Variants in HLF observed in about 807,000 individuals in gnomAD.
HLF encodes the protein hepatic leukemia factor.
In HLF, 3 loss-of-function variants were observed where a neutral mutation model predicts 22.6. The observed-to-expected ratio is 0.13, with a 90% CI of 0.06 to 0.34. The LOEUF (loss-of-function observed/expected upper bound fraction) is 0.34. HLF is among the 10% of genes least tolerant of loss of function. HLF has a pLI of 1.00. For missense variants in HLF, 299 were observed against 389.2 expected, an observed-to-expected ratio of 0.77 and a Z score of 1.95; for synonymous variants, 151 against 151.8, an observed-to-expected ratio of 0.99 and a Z score of 0.04.
At chr17:55,318,639 C>T (rs1438065476) in intron 3 of HLF, among the ~76,000 whole-genome samples, 1 of 152,152 alleles carries the variant, frequency 6.6e-6, no homozygotes, top group East Asian at 1.9e-4. Context: ...TTATGTACCC[C>T]TTCGCCTCCT....
At chr17:55,304,179 T>C (rs1904433832) in intron 2 of HLF, among the ~76,000 whole-genome samples, 1 of 152,142 alleles carries the variant, frequency 6.6e-6, no homozygotes, top group African/African-American at 2.4e-5. Flanking sequence ...CCCTATGATA[T>C]TTCCTTGCCC....
Position 55,323,609 on chromosome 17 carries a change from G to C in HLF, c.*2730G>C, listed in dbSNP as rs767725390. 14 of 227,282 alleles carry C rather than the reference G, an allele frequency of 6.2e-5. No homozygotes were observed. The highest frequency in any genetic ancestry group is 1.1e-4 in the Non-Finnish European group (12 of 114,178). 14.1% of individuals were successfully genotyped at this position (227,282 alleles called of 1,614,324 possible). ...ATTTAAACACTTTGGAGTCTGTACA[G>C]GTGCCTTATATGTAGGTCATTGTCA... On this transcript the variant is annotated 3_prime_UTR_variant, in exon 4 of 4. Transcript: ENST00000226067.
intron 1 of HLF, 92 bp from the exon 2 acceptor site, chr17:55,267,659 G>C: frequency 1.1e-6 from 1 of 875,724 alleles, no homozygotes; most frequent in Non-Finnish European, 1.7e-6. Context: ...GTGAGAAATA[G>C]TCTTATAACA....
At chr17:55,288,957 A>G (rs1030912494) in intron 2 of HLF, 74 of 984,954 alleles carry the variant, frequency 7.5e-5, no homozygotes, top group Non-Finnish European at 8.8e-5. Flanking sequence ...CTCATCCCAC[A>G]GGTTCTTAAT....
chr17:55,289,248 G>A (rs114660703), intron 2 of HLF, among the ~76,000 whole-genome samples: 2,823 of 152,282 alleles, frequency 0.019, 86 homozygotes, highest in African/African-American at 0.064. Flanking sequence ...GCCATGAGCA[G>A]TTGACCCCAC....
chr17:55,297,923 T>C (rs2081124266), intron 2 of HLF, among the ~76,000 whole-genome samples: 1 of 151,902 alleles, frequency 6.6e-6, no homozygotes, highest in African/African-American at 2.4e-5. Context: ...CTAATCTTTG[T>C]ATTTTTAGTA....
chr17:55,315,093 A>C lies in HLF; in HGVS notation c.452-134A>C, dbSNP rs150298750. On this transcript the variant is annotated intron_variant, in intron 2 of 3. Transcript: ENST00000226067. Reference sequence around the variant, plus strand: ...TGTTCTCAGAAATGCAGTGCGGATGAGTAAGATAAATCATGTTAGCATCAT... The same window carrying C: ...TGTTCTCAGAAATGCAGTGCGGATGCGTAAGATAAATCATGTTAGCATCAT... The C allele has an allele frequency of 4.5e-4, 308 of 681,470 alleles. 5 individuals carry two copies. In the East Asian group the frequency reaches 8.1e-3, roughly 18 times the overall value. The allele number at this position is 681,470 out of a possible 1,614,324, so 42.2% of individuals were successfully genotyped here.
intron 2 of HLF, 109 bp from the exon 3 acceptor site, chr17:55,315,116 CAT>C: frequency 1.3e-6 from 1 of 749,550 alleles, no homozygotes; most frequent in Non-Finnish European, 2.3e-6. Flanking sequence ...ATGTTAGCAT[CAT>C]ATATAAGTGA....
chr17:55,267,027 T>A (rs2080798520), intron 1 of HLF, among the ~76,000 whole-genome samples: 1 of 152,236 alleles, frequency 6.6e-6, no homozygotes, highest in Admixed American at 6.5e-5. Context: ...ACTCCTTTTG[T>A]AAAAATCAGT....
At position 55,297,491 on chromosome 17, in the gene HLF, T is replaced by C. The variant is rs981849823; in HGVS notation, c.452-17736T>C. On this transcript the variant is annotated intron_variant, in intron 2 of 3. Transcript: ENST00000226067. ...ATTGAAAGAAAATGGACATCTCTTCTTCAGAAAACCTGTTCTAAGAATTAT... is the reference window on the plus strand; with the variant it reads ...ATTGAAAGAAAATGGACATCTCTTCCTCAGAAAACCTGTTCTAAGAATTAT... Among the ~76,000 whole-genome samples the C allele has an allele frequency of 2.6e-5, 4 of 152,120 alleles. No homozygotes were observed. In the South Asian group the frequency reaches 8.3e-4, roughly 31 times the overall value.
intron 2 of HLF, among the ~76,000 whole-genome samples, chr17:55,302,530 G>A (rs1411129626): frequency 6.6e-6 from 1 of 152,142 alleles, no homozygotes; most frequent in African/African-American, 2.4e-5. Context: ...AGGGAAGGGT[G>A]TCACCGGGGG....
Position 55,271,186 on chromosome 17 carries a change from C to T in HLF, c.451+3100C>T, listed in dbSNP as rs533678729. Among the ~76,000 whole-genome samples the T allele has an allele frequency of 1.5e-4, 23 of 152,314 alleles. No homozygotes were observed. In the South Asian group the frequency reaches 4.1e-3, roughly 27 times the overall value. ...CCTGTCACACGCATGGATAAACTAC[C>T]TGCAATGCTTTATGGCAAAACTTTT... On this transcript the variant is annotated intron_variant, in intron 2 of 3. Coordinates refer to ENST00000226067, the MANE Select transcript of HLF (RefSeq NM_002126.5).
intron 1 of HLF, among the ~76,000 whole-genome samples, chr17:55,267,155 A>G (rs984608413): frequency 1.3e-5 from 2 of 152,198 alleles, no homozygotes; most frequent in African/African-American, 2.4e-5. Flanking sequence ...TTTGTTGTAA[A>G]TGGAGGTAAT....
At chr17:55,317,125 G>A (rs576962378) in intron 3 of HLF, among the ~76,000 whole-genome samples, 41 of 151,986 alleles carry the variant, frequency 2.7e-4, no homozygotes, top group Non-Finnish European at 5.3e-4. Flanking sequence ...ACGCCACCAC[G>A]CCCGGCTAAT....
intron 2 of HLF, among the ~76,000 whole-genome samples, chr17:55,302,361 G>T (rs919918921): frequency 1.4e-4 from 22 of 152,240 alleles, no homozygotes; most frequent in Non-Finnish European, 2.9e-4. Flanking sequence ...GCTTAACTTA[G>T]AGACTCATGC....
chr17:55,306,425 A>T lies in HLF; in HGVS notation c.452-8802A>T, dbSNP rs182601242. Among the ~76,000 whole-genome samples the T allele has an allele frequency of 4.6e-3, 695 of 152,278 alleles. 6 individuals carry two copies. Among genetic ancestry groups the T allele is most frequent in the African/African-American group, 0.016 (676 of 41,546 alleles). Reference sequence around the variant, plus strand: ...TACTGTGTGGAGAGAATTGCTGGATAAGAGCCACTGAGATCAAAGGGATCT... The same window carrying T: ...TACTGTGTGGAGAGAATTGCTGGATTAGAGCCACTGAGATCAAAGGGATCT... On this transcript the variant is annotated intron_variant, in intron 2 of 3. Transcript: ENST00000226067.
chr17:55,300,909 C>T (rs1384327931), intron 2 of HLF, among the ~76,000 whole-genome samples: 1 of 152,238 alleles, frequency 6.6e-6, no homozygotes, highest in Non-Finnish European at 1.5e-5. Context: ...CCTTCTGTGT[C>T]TGTCTCAATG....
chr17:55,303,224 T>A (rs1434582595), intron 2 of HLF, among the ~76,000 whole-genome samples: 1 of 152,144 alleles, frequency 6.6e-6, no homozygotes. Flanking sequence ...AGAGTTGCAG[T>A]GTGGCTTGAA....
intron 2 of HLF, among the ~76,000 whole-genome samples, chr17:55,271,166 C>G (rs969541222): frequency 6.6e-6 from 1 of 152,186 alleles, no homozygotes; most frequent in Non-Finnish European, 1.5e-5. Flanking sequence ...AGGACCCTGT[C>G]ACACGCATGG....
Sources: allele counts gnomAD v4.1 joint callset (sites outside exome capture counted in the v4.1 genomes callset), GRCh38; gene constraint gnomAD v4.1.1; transcripts MANE v1.5; gene names NCBI Gene and HGNC (gene_info 2026-07-23, HGNC 2026-07-21).